SYT16: variants seen among roughly 807,000 people sequenced by gnomAD.
SYT16 encodes the protein synaptotagmin 16.
A neutral mutation model predicts 61.4 loss-of-function variants in SYT16; 42 were observed. The ratio of observed to expected loss-of-function variants is 0.68; its 90% confidence interval spans 0.53 to 0.89. SYT16 has a LOEUF of 0.89. Ranked by LOEUF, SYT16 falls within the 40% of genes least tolerant of loss-of-function variation. The pLI, the probability that SYT16 is intolerant of heterozygous loss-of-function variation, is 0.00. For synonymous variants in SYT16, 314 were observed against 302.3 expected (o/e 1.04, Z -0.40); for missense variants, 804 against 807.3 (o/e 1.00, Z 0.05).
intron 1 of SYT16, among the ~76,000 whole-genome samples, chr14:61,863,322 A>G (rs1484017278): frequency 2.6e-5 from 4 of 152,192 alleles, no homozygotes; most frequent in African/African-American, 7.2e-5. Flanking sequence ...ATTCTTATAC[A>G]TGGTATCTCA....
chr14:61,913,679 A>G (rs1354706236), intron 1 of SYT16, among the ~76,000 whole-genome samples: 1 of 136,932 alleles, frequency 7.3e-6, no homozygotes, highest in Non-Finnish European at 1.6e-5. Flanking sequence ...GATAGAAGAA[A>G]ATAAGATCAT....
intron 1 of SYT16, among the ~76,000 whole-genome samples, chr14:61,814,180 A>G (rs1376406203): frequency 6.6e-6 from 1 of 152,178 alleles, no homozygotes; most frequent in African/African-American, 2.4e-5. Flanking sequence ...TAAAGAGAAA[A>G]ATGTTGATCA....
intron 3 of SYT16, among the ~76,000 whole-genome samples, chr14:62,026,197 A>G (rs778642643): frequency 1.3e-5 from 2 of 152,308 alleles, no homozygotes; most frequent in Non-Finnish European, 2.9e-5. Context: ...GATCACAATG[A>G]GTGGGGGGAA....
intron 1 of SYT16, among the ~76,000 whole-genome samples, chr14:61,883,112 C>T (rs1386887878): frequency 3.3e-5 from 5 of 152,204 alleles, no homozygotes; most frequent in Non-Finnish European, 5.9e-5. Flanking sequence ...ATTTTTCCCT[C>T]CTAGACTTCC....
chr14:62,061,871 C>A, intron 3 of SYT16, among the ~76,000 whole-genome samples: 1 of 152,082 alleles, frequency 6.6e-6, no homozygotes, highest in Non-Finnish European at 1.5e-5. Flanking sequence ...AATCTGTGTT[C>A]CCTTCTTTCA....
intron 1 of SYT16, among the ~76,000 whole-genome samples, chr14:61,965,791 A>G (rs1448780391): frequency 1.3e-5 from 2 of 152,088 alleles, no homozygotes; most frequent in Admixed American, 6.6e-5. Context: ...AATAGAATAA[A>G]TTATCGAAGA....
intron 3 of SYT16, among the ~76,000 whole-genome samples, chr14:62,014,417 C>T (rs934468119): frequency 6.6e-6 from 1 of 151,918 alleles, no homozygotes; most frequent in Non-Finnish European, 1.5e-5. Context: ...TCCAACTCCT[C>T]CTTATCCCTA....
chr14:62,011,249 C>A (rs75599057), intron 3 of SYT16, among the ~76,000 whole-genome samples: 6 of 152,014 alleles, frequency 3.9e-5, no homozygotes, highest in African/African-American at 1.4e-4. Context: ...CTTTGGGACC[C>A]AGTTTCTCCC....
At chr14:62,063,066 C>T (rs1008118878) in intron 3 of SYT16, among the ~76,000 whole-genome samples, 2 of 152,206 alleles carry the variant, frequency 1.3e-5, no homozygotes, top group Non-Finnish European at 2.9e-5. Flanking sequence ...TTGGGCACTT[C>T]CCACTTCCAG....
chr14:61,917,370 A>G (rs2049161219), intron 1 of SYT16, among the ~76,000 whole-genome samples: 1 of 152,198 alleles, frequency 6.6e-6, no homozygotes, highest in African/African-American at 2.4e-5. Context: ...TCTGGGCCAC[A>G]GGGATTGACT....
At chr14:62,031,506 A>G (rs2140806186) in intron 3 of SYT16, among the ~76,000 whole-genome samples, 1 of 152,284 alleles carries the variant, frequency 6.6e-6, no homozygotes, top group African/African-American at 2.4e-5. Flanking sequence ...TCTACTAATC[A>G]TGAAAACAAG....
chr14:62,023,833 A>AG (rs1277937015), intron 3 of SYT16, among the ~76,000 whole-genome samples: 1 of 151,886 alleles, frequency 6.6e-6, no homozygotes, highest in Non-Finnish European at 1.5e-5. Context: ...CTACCTTGCA[A>AG]ACATGTCCTG....
chr14:61,820,654 G>A (rs981733968), intron 1 of SYT16, among the ~76,000 whole-genome samples: 3 of 151,670 alleles, frequency 2.0e-5, no homozygotes, highest in Non-Finnish European at 2.9e-5. Context: ...GCTAACTTTT[G>A]TATTTTTAGA....
At chr14:61,903,053 G>A (rs1301970107) in intron 1 of SYT16, among the ~76,000 whole-genome samples, 1 of 152,168 alleles carries the variant, frequency 6.6e-6, no homozygotes, top group Non-Finnish European at 1.5e-5. Flanking sequence ...TGCAGCTGCA[G>A]AACTCCGGTA....
intron 1 of SYT16, among the ~76,000 whole-genome samples, chr14:61,818,677 C>CAAAAA (rs61559295): frequency 6.7e-5 from 5 of 74,384 alleles, no homozygotes; most frequent in African/African-American, 2.3e-4. Flanking sequence ...GACTCTGTCT[C>CAAAAA]AAAAAAAAAA....
intron 1 of SYT16, among the ~76,000 whole-genome samples, chr14:61,823,808 C>T (rs926110631): frequency 1.3e-5 from 2 of 152,152 alleles, no homozygotes; most frequent in African/African-American, 4.8e-5. Context: ...CAGCGACTGA[C>T]TGCTTTATGA....
chr14:62,089,486 G>A (rs150767389), intron 7 of SYT16, among the ~76,000 whole-genome samples: 1 of 138,640 alleles, frequency 7.2e-6, no homozygotes, highest in African/African-American at 2.8e-5. Flanking sequence ...TGGTGAAAAT[G>A]CCCATGTTAT....
At chr14:61,876,076 A>C (rs914197551) in intron 1 of SYT16, among the ~76,000 whole-genome samples, 1 of 152,154 alleles carries the variant, frequency 6.6e-6, no homozygotes, top group Admixed American at 6.5e-5. Flanking sequence ...GTGTGTGTGC[A>C]CATGCACGTG....
intron 1 of SYT16, among the ~76,000 whole-genome samples, chr14:61,929,726 C>T (rs217696): frequency 0.91 from 137,824 of 152,280 alleles, 62,472 homozygotes; most frequent in South Asian, 0.98. Context: ...TTTTTCTCTA[C>T]GCATGTTTCT....
Sources: allele counts gnomAD v4.1 joint callset (sites outside exome capture counted in the v4.1 genomes callset), GRCh38; gene constraint gnomAD v4.1.1; transcripts MANE v1.5; gene names NCBI Gene and HGNC (gene_info 2026-07-23, HGNC 2026-07-21).